Variants in MROH1 observed in about 807,000 individuals in gnomAD.
MROH1 encodes the protein maestro heat like repeat family member 1.
MROH1 carries 117 observed loss-of-function variants against 116.5 expected under a neutral mutation model. That is an observed-to-expected ratio of 1.00 (90% CI 0.86 to 1.17). The LOEUF (loss-of-function observed/expected upper bound fraction) is 1.17. MROH1 is among the 50% of genes most tolerant of loss of function. The pLI, the probability that MROH1 is intolerant of heterozygous loss-of-function variation, is 0.00. For missense variants in MROH1, 1,873 were observed against 1,338.5 expected (o/e 1.40, Z -6.23); for synonymous variants, 921 against 583.9 (o/e 1.58, Z -8.32).
intron 12 of MROH1, among the ~76,000 whole-genome samples, chr8:144,219,241 C>T (rs1383743750): frequency 6.6e-6 from 1 of 152,076 alleles, no homozygotes; most frequent in Non-Finnish European, 1.5e-5. Flanking sequence ...CCAGGATGGT[C>T]TCGATCTCCT....
chr8:144,221,382 C>G (rs368218172), intron 13 of MROH1, among the ~76,000 whole-genome samples: 1 of 152,252 alleles, frequency 6.6e-6, no homozygotes, highest in African/African-American at 2.4e-5. Flanking sequence ...AGGGCAGAGG[C>G]CAGGCCTAGC....
At chr8:144,152,009 GCT>G (rs1816923935) in intron 1 of MROH1, among the ~76,000 whole-genome samples, 1 of 152,174 alleles carries the variant, frequency 6.6e-6, no homozygotes, top group Non-Finnish European at 1.5e-5. Flanking sequence ...CACGTCCTTT[GCT>G]CTCTTTCCTG....
chr8:144,223,978 T>TGCGTGGTCGTCAGTGAGGAA (rs1837313408), intron 14 of MROH1, among the ~76,000 whole-genome samples: 1 of 152,212 alleles, frequency 6.6e-6, no homozygotes, highest in Non-Finnish European at 1.5e-5. Flanking sequence ...TGCCTCTAAG[T>TGCGTGGTCGTCAGTGAGGAA]GCGTGGTCGT....
chr8:144,240,982 T>G lies in MROH1; in HGVS notation c.1936-10T>G. Reference sequence around the variant, plus strand: ...GTCAGGCAGAGCCGTGTTCTCTGGTTTTGTTTCAGAACTTCCTGTACAAAT... The same window carrying G: ...GTCAGGCAGAGCCGTGTTCTCTGGTGTTGTTTCAGAACTTCCTGTACAAAT... On this transcript the variant is annotated splice_polypyrimidine_tract_variant and intron_variant, in intron 20 of 43. Coordinates refer to ENST00000326134, the MANE Select transcript of MROH1 (RefSeq NM_032450.3). 1.3e-6 allele frequency: 1 copy of G among 747,778 alleles called. No homozygotes were observed. The highest frequency in any genetic ancestry group is 2.5e-5 in the East Asian group (1 of 39,516). The allele number at this position is 747,778 out of a possible 1,614,324, so 46.3% of individuals were successfully genotyped here. A position where few individuals can be genotyped will look rare whatever the true frequency, so the allele number is the denominator to read the frequency against.
At chr8:144,152,002 G>T (rs1412938959) in intron 1 of MROH1, among the ~76,000 whole-genome samples, 2 of 152,168 alleles carry the variant, frequency 1.3e-5, no homozygotes, top group Non-Finnish European at 2.9e-5. Flanking sequence ...ATTCTTGCAC[G>T]TCCTTTGCTC....
chr8:144,260,097 G>A (rs1844723648), intron 38 of MROH1, 40 bp downstream of exon 38: 2 of 739,930 alleles, frequency 2.7e-6, no homozygotes, highest in Admixed American at 3.6e-5. Context: ...CAGGCAGCAT[G>A]GGTGGGGGGC....
chr8:144,204,927 G>T (rs1247964480), intron 12 of MROH1, among the ~76,000 whole-genome samples: 6 of 152,186 alleles, frequency 3.9e-5, no homozygotes, highest in African/African-American at 1.4e-4. Flanking sequence ...AAGTTGCATA[G>T]ATAAACCCTT....
chr8:144,244,388 G>C (rs1326416772), intron 27 of MROH1, 52 bp downstream of exon 27: 7 of 724,050 alleles, frequency 9.7e-6, no homozygotes, highest in African/African-American at 1.7e-5. Flanking sequence ...GTGGTGGGAG[G>C]CCACTGTAGG....
At chr8:144,178,727 C>CA (rs1824760915) in intron 4 of MROH1, among the ~76,000 whole-genome samples, 3 of 151,836 alleles carry the variant, frequency 2.0e-5, no homozygotes, top group Admixed American at 2.0e-4. Context: ...GAGGGGCTGT[C>CA]AACACAGGGT....
intron 10 of MROH1, among the ~76,000 whole-genome samples, chr8:144,194,123 T>G (rs1208870447): frequency 6.6e-6 from 1 of 152,062 alleles, no homozygotes; most frequent in East Asian, 1.9e-4. Flanking sequence ...AGTGCAATGG[T>G]GCGATCTTGG....
intron 4 of MROH1, chr8:144,175,514 G>GC (rs1823640876): frequency 3.0e-6 from 3 of 985,372 alleles, no homozygotes; most frequent in Middle Eastern, 5.2e-4. Context: ...CGGCCGTGCT[G>GC]CCCCGGCAGT....
At position 144,260,289 on chromosome 8, in the gene MROH1, C is replaced by G; in HGVS notation, c.4295C>G (p.Ala1432Gly). ...PVALEAMLGL[A>G]RLVHLVESWD... The stretch of plus-strand genomic sequence containing the variant: ...GCCCTGGAGGCCATGCTGGGCCTTG[C>G]GAGGCTGGTGCACCTGGTGGAGTCC... The change falls in exon 39 of 44, where the codon GCG (alanine) becomes GGG (glycine). Residue 1432 changes from alanine to glycine, a missense_variant. Physicochemically the swap from Ala to Gly is moderately conservative, Grantham distance 60. Coordinates refer to ENST00000326134, the MANE Select transcript of MROH1 (RefSeq NM_032450.3). 1.3e-6 allele frequency: 1 copy of G among 759,834 alleles called. No individual in the cohort carries two copies. The highest frequency in any genetic ancestry group is 2.4e-6 in the Non-Finnish European group (1 of 414,028). The allele number at this position is 759,834 out of a possible 1,614,324, so 47.1% of individuals were successfully genotyped here. A position where few individuals can be genotyped will look rare whatever the true frequency, so the allele number is the denominator to read the frequency against.
rs976896038 is a variant in MROH1 at position 144,180,856 on chromosome 8, C to T, written c.562+333C>T. Among the ~76,000 whole-genome samples the T allele has an allele frequency of 1.4e-4, 21 of 152,252 alleles. No homozygotes were observed. Among genetic ancestry groups the T allele is most frequent in the Non-Finnish European group, 2.5e-4 (17 of 67,986 alleles). On this transcript the variant is annotated intron_variant, in intron 7 of 43. Coordinates refer to ENST00000326134, the MANE Select transcript of MROH1 (RefSeq NM_032450.3). The surrounding 1 kb of genome is among the most constrained non-coding windows in gnomAD (Gnocchi z 7.4). ...CCCCACTCCAGGCTAGAAAAGTGTC[C>T]GCTCTCTGGGCATCCCAGGACCCAG...
chr8:144,219,720 C>T (rs1000575374), intron 12 of MROH1, among the ~76,000 whole-genome samples: 1 of 152,188 alleles, frequency 6.6e-6, no homozygotes, highest in Admixed American at 6.5e-5. Flanking sequence ...GCACTAAATG[C>T]CAGCTCAGAG....
In MROH1 at chr8:144,242,152, C is replaced by A. The variant is rs891980202; in HGVS notation, c.2179-217C>A. The stretch of plus-strand genomic sequence containing the variant: ...TCTGTTACTCGGTACCCAGTGGGCC[C>A]ATGCCTGGCTGGCTGCCTGTGCTCC... On this transcript the variant is annotated intron_variant, in intron 22 of 43. Coordinates refer to ENST00000326134, the MANE Select transcript of MROH1 (RefSeq NM_032450.3). The A allele has an allele frequency of 1.1e-4, 71 of 639,466 alleles. No homozygotes were observed. The Middle Eastern group carries it at 2.5e-3, about 23-fold the overall frequency. 39.6% of individuals were successfully genotyped at this position (639,466 alleles called of 1,614,324 possible).
chr8:144,182,302 G>A lies in MROH1; in HGVS notation c.562+1779G>A, dbSNP rs965841804. Among the ~76,000 whole-genome samples, 1 of 152,024 alleles carries A rather than the reference G, an allele frequency of 6.6e-6. No individual in the cohort carries two copies. The highest frequency in any genetic ancestry group is 1.5e-5 in the Non-Finnish European group (1 of 68,032). On this transcript the variant is annotated intron_variant, in intron 7 of 43. Coordinates refer to ENST00000326134, the MANE Select transcript of MROH1 (RefSeq NM_032450.3). The surrounding 1 kb of genome is among the most constrained non-coding windows in gnomAD (Gnocchi z 4.1). ...GCCTCAGGGAAGACTCCCAGTGGTG[G>A]AGGCACGGCTGGCCTGGCCACGCCG...
chr8:144,255,621 G>T lies in MROH1; in HGVS notation c.3707G>T (p.Gly1236Val), dbSNP rs2133271849. ...CTGCTGCGCGTCAGCTGCACCGTGG[G>T]TGTCCAGCTGCCCCGGAACCTGCAG... Reference protein sequence around the residue: ...VLLLRVSCTVGVQLPRNLQAQ... With the variant: ...VLLLRVSCTVVVQLPRNLQAQ... The change falls in exon 35 of 44, where the codon GGT becomes GTT. Residue 1236 changes from glycine (G) to valine (V), a missense_variant. Physicochemically the swap from Gly to Val is moderately radical, Grantham distance 109. Coordinates refer to ENST00000326134, the MANE Select transcript of MROH1 (RefSeq NM_032450.3). 1.3e-6 allele frequency: 1 copy of T among 777,116 alleles called. No individual in the cohort carries two copies. The highest frequency in any genetic ancestry group is 2.4e-6 in the Non-Finnish European group (1 of 417,066). The allele number at this position is 777,116 out of a possible 1,614,324, so 48.1% of individuals were successfully genotyped here.
rs1432236940 is a variant in MROH1 at position 144,261,821 on chromosome 8, A to G, written c.*81A>G. The G allele has an allele frequency of 2.9e-6, 2 of 700,578 alleles. No homozygotes were observed. Among genetic ancestry groups the G allele is most frequent in the East Asian group, 5.4e-5 (2 of 37,286 alleles). The allele number at this position is 700,578 out of a possible 1,614,324, so 43.4% of individuals were successfully genotyped here. A position where few individuals can be genotyped will look rare whatever the true frequency, so the allele number is the denominator to read the frequency against. ...CAAGACAGGGCCTCCTGAGGACCACAGCCTGGGCACACGACTGGAGGGGCC... is the reference window on the plus strand; with the variant it reads ...CAAGACAGGGCCTCCTGAGGACCACGGCCTGGGCACACGACTGGAGGGGCC... On this transcript the variant is annotated 3_prime_UTR_variant, in exon 44 of 44. Coordinates refer to ENST00000326134, the MANE Select transcript of MROH1 (RefSeq NM_032450.3).
chr8:144,250,493 C>T (rs1480870060), intron 33 of MROH1, 127 bp downstream of exon 33: 6 of 698,464 alleles, frequency 8.6e-6, no homozygotes, highest in Non-Finnish European at 1.6e-5. Flanking sequence ...GGCTGTAGGC[C>T]ACGTGGGACA....
Sources: gnomAD v4.1 joint callset for allele counts (sites outside exome capture counted in the v4.1 genomes callset) on GRCh38, gnomAD v4.1.1 for gene constraint, Gnocchi (gnomAD v3.1) non-coding constraint, MANE v1.5 for transcripts, NCBI Gene and HGNC (gene_info 2026-07-23, HGNC 2026-07-21) for gene names.